Variants in SPARC observed in about 807,000 individuals in gnomAD.
The protein encoded by SPARC is secreted protein acidic and cysteine rich.
In SPARC, 23 loss-of-function variants were observed where a neutral mutation model predicts 37.7. The observed-to-expected ratio is 0.61, with a 90% CI of 0.44 to 0.87. The LOEUF is 0.87. Among genes scored for constraint, SPARC ranks in the 40% least tolerant of loss-of-function variants. The pLI, the probability that SPARC is intolerant of heterozygous loss-of-function variation, is 0.00. For missense variants in SPARC, 312 were observed against 389.0 expected (o/e 0.80, Z 1.66); for synonymous variants, 155 against 150.8 (o/e 1.03, Z -0.20).
At chr5:151,667,633 A>G in intron 6 of SPARC, 33 bp from the exon 7 acceptor site, 3 of 1,611,098 alleles carry the variant, frequency 1.9e-6, no homozygotes, top group Non-Finnish European at 2.5e-6. Flanking sequence ...GTCAGCACAG[A>G]CCCTGCCTGG....
chr5:151,673,237 T>G, intron 3 of SPARC, 21 bp from the exon 4 acceptor site: 1 of 1,535,598 alleles, frequency 6.5e-7, no homozygotes, highest in Admixed American at 1.7e-5. Context: ...GGGAGAAGAA[T>G]GGGTGAAATG....
intron 8 of SPARC, 40 bp downstream of exon 8, chr5:151,666,321 C>G (rs1238384787): frequency 6.3e-7 from 1 of 1,589,310 alleles, no homozygotes; most frequent in East Asian, 2.3e-5. Flanking sequence ...GTGCACCTGC[C>G]AGCCTTGAGC....
In SPARC at chr5:151,667,619, G is replaced by T; in HGVS notation, c.452-19C>A. ...GGGATGTCTAGGTTCCAAACACAAG[G>T]GCGGTCAGCACAGACCCTGCCTGGG... On this transcript the variant is annotated intron_variant, in intron 6 of 9. Transcript: ENST00000231061. The T allele has an allele frequency of 6.2e-7, 1 of 1,613,638 alleles. No individual in the cohort carries two copies. Among genetic ancestry groups the T allele is most frequent in the South Asian group, 1.1e-5 (1 of 91,016 alleles).
chr5:151,669,037 T>C (rs907785895), intron 6 of SPARC, among the ~76,000 whole-genome samples: 13 of 152,042 alleles, frequency 8.6e-5, no homozygotes, highest in African/African-American at 2.9e-4. Context: ...ACAAGGCACT[T>C]GGCCCCACTG....
In SPARC at chr5:151,669,892, T is replaced by C. The variant is rs150773235; in HGVS notation, c.331-108A>G. The C allele has an allele frequency of 6.5e-3, 9,504 of 1,463,626 alleles. 36 individuals are homozygous for C. Among genetic ancestry groups the C allele is most frequent in the Non-Finnish European group, 7.9e-3 (8,397 of 1,063,196 alleles). 90.7% of individuals were successfully genotyped at this position (1,463,626 alleles called of 1,614,324 possible). A position where few individuals can be genotyped will look rare whatever the true frequency, so the allele number is the denominator to read the frequency against. The stretch of plus-strand genomic sequence containing the variant: ...GGGACACTGAGGGTTAAGCAAGGAA[T>C]GTCATTAGCCTGAGGTCATATAGTG... On this transcript the variant is annotated intron_variant, in intron 5 of 9. Coordinates refer to ENST00000231061, the MANE Select transcript of SPARC (RefSeq NM_003118.4).
rs146052454 is a variant in SPARC at position 151,677,477 on chromosome 5, C to T, written c.-13-1276G>A. On this transcript the variant is annotated intron_variant, in intron 1 of 9. Transcript: ENST00000231061. ...GACCAAATGGTGGTGGGAGGTAACC[C>T]GGCATCATGGAGAAAAATACTCAGC... Among the ~76,000 whole-genome samples, 286 of 152,222 alleles carry T rather than the reference C, an allele frequency of 1.9e-3. 3 individuals carry two copies. In the South Asian group the frequency reaches 0.035, roughly 19 times the overall value.
At chr5:151,664,716 A>G (rs1479955496) in intron 8 of SPARC, among the ~76,000 whole-genome samples, 2 of 152,156 alleles carry the variant, frequency 1.3e-5, no homozygotes, top group Admixed American at 6.5e-5. Context: ...ATGACACACC[A>G]ATCTGGTGAC....
chr5:151,670,285 T>C (rs1400749855), intron 5 of SPARC, among the ~76,000 whole-genome samples: 2 of 152,218 alleles, frequency 1.3e-5, no homozygotes, highest in Non-Finnish European at 2.9e-5. Flanking sequence ...GTACAAACAA[T>C]CTGGTTTATG....
chr5:151,686,593 A>G (rs1471616582), intron 1 of SPARC: 2 of 152,106 alleles, frequency 1.3e-5, no homozygotes, highest in African/African-American at 4.8e-5. Context: ...AGAAAAACAG[A>G]GAGTGAGAAA....
At chr5:151,686,048 C>T (rs371660456) in intron 1 of SPARC, 8 of 152,242 alleles carry the variant, frequency 5.3e-5, no homozygotes, top group African/African-American at 1.9e-4. Context: ...TCTCCCTCTT[C>T]CCTTCCCCCT....
intron 5 of SPARC, among the ~76,000 whole-genome samples, chr5:151,670,374 A>G (rs917235063): frequency 2.6e-5 from 4 of 152,188 alleles, no homozygotes; most frequent in South Asian, 2.1e-4. Flanking sequence ...CCAGCCTCCA[A>G]TTAAAACTTT....
chr5:151,661,323 T>C lies in SPARC; in HGVS notation c.*2248A>G, dbSNP rs4958278. 67,701 of 152,030 alleles carry C rather than the reference T, an allele frequency of 0.45. 16,017 individuals carry two copies. Among genetic ancestry groups the C allele is most frequent in the Admixed American group, 0.55 (8,344 of 15,280 alleles). The allele number at this position is 152,030 out of a possible 1,614,324, so 9.4% of individuals were successfully genotyped here. A position where few individuals can be genotyped will look rare whatever the true frequency, so the allele number is the denominator to read the frequency against. On this transcript the variant is annotated 3_prime_UTR_variant, in exon 10 of 10. Coordinates refer to ENST00000231061, the MANE Select transcript of SPARC (RefSeq NM_003118.4). Reference sequence around the variant, plus strand: ...TGAAATTTACTTCAATTCCTCTCTCTACAGATTCCTAGAGATTATGAGACT... The same window carrying C: ...TGAAATTTACTTCAATTCCTCTCTCCACAGATTCCTAGAGATTATGAGACT...
chr5:151,670,469 T>C (rs1760724492), intron 5 of SPARC, among the ~76,000 whole-genome samples: 1 of 152,232 alleles, frequency 6.6e-6, no homozygotes, highest in Non-Finnish European at 1.5e-5. Context: ...AAGAATGCAC[T>C]CTGATGACCC....
chr5:151,670,926 T>C (rs1760734451), intron 5 of SPARC, among the ~76,000 whole-genome samples: 1 of 152,108 alleles, frequency 6.6e-6, no homozygotes, highest in Admixed American at 6.6e-5. Flanking sequence ...GCTGTAGGAA[T>C]AGTGCTGGCC....
chr5:151,669,927 T>A (rs1760713059), intron 5 of SPARC, 143 bp from the exon 6 acceptor site: 2 of 1,198,126 alleles, frequency 1.7e-6, no homozygotes, highest in East Asian at 4.8e-5. Context: ...GAGTTAGTGA[T>A]AGGGCTGGGC....
At position 151,667,550 on chromosome 5, in the gene SPARC, G is replaced by A. The variant is rs1053296; in HGVS notation, c.502C>T (p.Arg168Trp). 5.6e-6 allele frequency: 9 copies of A among 1,614,044 alleles called. No individual in the cohort carries two copies. Among genetic ancestry groups the A allele is most frequent in the Middle Eastern group, 1.6e-4 (1 of 6,084 alleles). ...SELTEFPLRMRDWLKNVLVTL... is the reference protein window; with the variant it reads ...SELTEFPLRMWDWLKNVLVTL... ...ACCAGGACGTTCTTGAGCCAGTCCC[G>A]CATGCGCAGGGGGAATTCGGTCAGC... Residue 168 changes from arginine to tryptophan, a missense_variant, in exon 7 of 10, where the codon CGG becomes TGG. Transcript: ENST00000231061.
chr5:151,667,650 C>T (rs755106583), intron 6 of SPARC, 50 bp from the exon 7 acceptor site: 19 of 1,591,942 alleles, frequency 1.2e-5, no homozygotes, highest in Admixed American at 5.2e-5. Context: ...CTGGGCCGTG[C>T]TCCCCACCCC....
rs1468740564 is a variant in SPARC, at chr5:151,669,784, C to T, written c.331G>A (p.Val111Met). ...CPAPIGEFEK[V>M]CSNDNKTFDS... ...AAGGTCTTGTTGTCATTGCTGCACA[C>T]CTGTTGGCAAAGCACAGAGTACCCC... Residue 111 changes from valine (V) to methionine (M), a missense_variant and splice_region_variant, in exon 6 of 10, where the codon GTG becomes ATG. Val to Met is a conservative substitution (Grantham distance 21, BLOSUM62 1). Coordinates refer to ENST00000231061, the MANE Select transcript of SPARC (RefSeq NM_003118.4). The T allele has an allele frequency of 1.2e-6, 2 of 1,614,130 alleles. No homozygotes were observed. Among genetic ancestry groups the T allele is most frequent in the Admixed American group, 1.7e-5 (1 of 60,020 alleles).
chr5:151,673,236 A>G lies in SPARC; in HGVS notation c.121-20T>C, dbSNP rs2113100160. 1 of 1,533,378 alleles carries G rather than the reference A, an allele frequency of 6.5e-7. No individual in the cohort carries two copies. Among genetic ancestry groups the G allele is most frequent in the Non-Finnish European group, 9.0e-7 (1 of 1,106,300 alleles). 95.0% of individuals were successfully genotyped at this position (1,533,378 alleles called of 1,614,324 possible). A position where few individuals can be genotyped will look rare whatever the true frequency, so the allele number is the denominator to read the frequency against. On this transcript the variant is annotated intron_variant, in intron 3 of 9. Transcript: ENST00000231061. The stretch of plus-strand genomic sequence containing the variant: ...AGATACCTGGAATTGAGGGAGAAGA[A>G]TGGGTGAAATGGCCCCACTCCCATC...
Sources: gnomAD v4.1 joint callset for allele counts (sites outside exome capture counted in the v4.1 genomes callset) on GRCh38, gnomAD v4.1.1 for gene constraint, MANE v1.5 for transcripts, NCBI Gene and HGNC (gene_info 2026-07-23, HGNC 2026-07-21) for gene names.